The following RABGAP1L variants were observed in gnomAD, a reference collection of about 807,000 sequenced individuals.
RABGAP1L encodes RAB GTPase activating protein 1 like.
A neutral mutation model predicts 137.7 loss-of-function variants in RABGAP1L; 63 were observed. That is an observed-to-expected ratio of 0.46 (90% CI 0.37 to 0.56). RABGAP1L has a LOEUF of 0.56. RABGAP1L is among the 20% of genes least tolerant of loss of function. RABGAP1L has a pLI of 0.00. For synonymous variants in RABGAP1L, 431 were observed against 433.7 expected, an observed-to-expected ratio of 0.99 and a Z score of 0.08; for missense variants, 1,095 against 1,244.0, an observed-to-expected ratio of 0.88 and a Z score of 1.80.
At chr1:174,343,083 A>G (rs986412086) in intron 11 of RABGAP1L, among the ~76,000 whole-genome samples, 10 of 152,162 alleles carry the variant, frequency 6.6e-5, no homozygotes, top group Non-Finnish European at 1.0e-4. Flanking sequence ...CAAGAGGAAT[A>G]TTCTTTATAT....
chr1:174,813,324 A>C (rs1690065458), intron 19 of RABGAP1L, among the ~76,000 whole-genome samples: 1 of 152,152 alleles, frequency 6.6e-6, no homozygotes, highest in African/African-American at 2.4e-5. Context: ...ATTTCCTGAT[A>C]TATTAAATGT....
At chr1:174,796,045 A>G (rs936075584) in intron 18 of RABGAP1L, among the ~76,000 whole-genome samples, 3 of 152,248 alleles carry the variant, frequency 2.0e-5, no homozygotes, top group Non-Finnish European at 4.4e-5. Flanking sequence ...GATAGAGGGA[A>G]TAAGTTTTTC....
chr1:174,908,079 G>A (rs531430190), intron 19 of RABGAP1L, among the ~76,000 whole-genome samples: 1 of 152,294 alleles, frequency 6.6e-6, no homozygotes, highest in African/African-American at 2.4e-5. Context: ...ACTATATAAT[G>A]ATAAAAGGGT....
At chr1:174,350,589 C>G (rs1211020120) in intron 11 of RABGAP1L, among the ~76,000 whole-genome samples, 2 of 109,492 alleles carry the variant, frequency 1.8e-5, no homozygotes, top group Middle Eastern at 4.9e-3. Flanking sequence ...CGGGCAGAGA[C>G]GCTCCTCACT....
intron 17 of RABGAP1L, among the ~76,000 whole-genome samples, chr1:174,703,794 TATC>T (rs1679848908): frequency 6.6e-6 from 1 of 152,234 alleles, no homozygotes; most frequent in Non-Finnish European, 1.5e-5. Context: ...CATAAGATAA[TATC>T]ATGTTATGAT....
intron 7 of RABGAP1L, among the ~76,000 whole-genome samples, chr1:174,256,346 G>A (rs1355321957): frequency 6.6e-6 from 1 of 152,066 alleles, no homozygotes; most frequent in African/African-American, 2.4e-5. Flanking sequence ...GAGGCAGATG[G>A]CTATCACAGA....
intron 19 of RABGAP1L, among the ~76,000 whole-genome samples, chr1:174,882,781 C>CTG (rs1654444460): frequency 6.6e-6 from 1 of 151,980 alleles, no homozygotes; most frequent in African/African-American, 2.4e-5. Context: ...ATATTGTTTA[C>CTG]TGTGATAACC....
intron 11 of RABGAP1L, among the ~76,000 whole-genome samples, chr1:174,324,895 A>G (rs1571223155): frequency 6.6e-6 from 1 of 152,232 alleles, no homozygotes. Flanking sequence ...TGGAACCTCT[A>G]CAAGGGTGAT....
At chr1:174,931,909 C>T (rs1336113478) in intron 19 of RABGAP1L, among the ~76,000 whole-genome samples, 1 of 150,886 alleles carries the variant, frequency 6.6e-6, no homozygotes, top group Non-Finnish European at 1.5e-5. Context: ...CATTTTGTAC[C>T]TAGGGGTAGA....
At chr1:174,170,063 G>A (rs1164803963) in intron 1 of RABGAP1L, among the ~76,000 whole-genome samples, 1 of 152,070 alleles carries the variant, frequency 6.6e-6, no homozygotes, top group Non-Finnish European at 1.5e-5. Flanking sequence ...ATCCAAGGGT[G>A]GAAAAAAATA....
chr1:174,623,370 T>G (rs1672687304), intron 13 of RABGAP1L, among the ~76,000 whole-genome samples: 1 of 152,170 alleles, frequency 6.6e-6, no homozygotes, highest in South Asian at 2.1e-4. Flanking sequence ...TGACACCAGT[T>G]GTAAATTCAG....
intron 13 of RABGAP1L, among the ~76,000 whole-genome samples, chr1:174,440,091 G>T (rs368015518): frequency 1.3e-5 from 2 of 152,170 alleles, no homozygotes; most frequent in Non-Finnish European, 2.9e-5. Flanking sequence ...TCCTGAGGCC[G>T]TAGGGAACAT....
At chr1:174,230,886 AC>A (rs750191129) in intron 3 of RABGAP1L, among the ~76,000 whole-genome samples, 1 of 152,062 alleles carries the variant, frequency 6.6e-6, no homozygotes, top group Non-Finnish European at 1.5e-5. Flanking sequence ...TGAAGAACTT[AC>A]AGCTAAGTAA....
chr1:174,501,905 GTT>G (rs370431834), intron 13 of RABGAP1L, among the ~76,000 whole-genome samples: 21 of 143,866 alleles, frequency 1.5e-4, no homozygotes, highest in African/African-American at 4.8e-4. Flanking sequence ...TAGGATACCT[GTT>G]TTTTTTTTTG....
At chr1:174,805,916 C>T (rs1689249668) in intron 18 of RABGAP1L, among the ~76,000 whole-genome samples, 2 of 152,226 alleles carry the variant, frequency 1.3e-5, no homozygotes, top group Non-Finnish European at 2.9e-5. Flanking sequence ...TTCTGGCTAA[C>T]ATTACTTAAC....
chr1:174,803,240 T>TTAA (rs1289488076), intron 18 of RABGAP1L, among the ~76,000 whole-genome samples: 2 of 152,174 alleles, frequency 1.3e-5, no homozygotes, highest in Non-Finnish European at 2.9e-5. Context: ...AGGTTACTGA[T>TTAA]ATAATAGAGG....
Position 174,263,958 on chromosome 1 carries a change from T to C in RABGAP1L, c.987-8456T>C, listed in dbSNP as rs529319691. 2.0e-5 allele frequency among the ~76,000 whole-genome samples: 3 copies of C among 152,238 alleles called. No individual in the cohort carries two copies. In the South Asian group the frequency reaches 6.2e-4, roughly 32 times the overall value. On this transcript the variant is annotated intron_variant, in intron 7 of 25. Transcript: ENST00000681986. ...TTTTATTTCTTTAGTAAATATTGTT[T>C]AGTTACTAATATTTTATCCGTATTT...
chr1:174,214,731 C>T lies in RABGAP1L; in HGVS notation c.-33-4394C>T, dbSNP rs559726380. 1.3e-5 allele frequency among the ~76,000 whole-genome samples: 2 copies of T among 152,150 alleles called. 1 individual carries two copies. Among genetic ancestry groups the T allele is most frequent in the South Asian group, 4.1e-4 (2 of 4,824 alleles). ...TGACTAAGCTGCTAAGAACATAACACTGGGGAAAGGACAGTCTGTTCAATA... is the reference window on the plus strand; with the variant it reads ...TGACTAAGCTGCTAAGAACATAACATTGGGGAAAGGACAGTCTGTTCAATA... On this transcript the variant is annotated intron_variant, in intron 1 of 25. Transcript: ENST00000681986.
chr1:174,433,676 A>C (rs1158759728), intron 13 of RABGAP1L, among the ~76,000 whole-genome samples: 1 of 152,142 alleles, frequency 6.6e-6, no homozygotes, highest in Non-Finnish European at 1.5e-5. Context: ...TTGAGTGTGA[A>C]AGTATGTGCA....
Sources: allele counts gnomAD v4.1 joint callset (sites outside exome capture counted in the v4.1 genomes callset), GRCh38; gene constraint gnomAD v4.1.1; transcripts MANE v1.5; gene names NCBI Gene and HGNC (gene_info 2026-07-23, HGNC 2026-07-21).